The following COPZ2 variants were observed in gnomAD, a reference collection of about 807,000 sequenced individuals.
COPZ2 encodes coat protein complex I subunit zeta 2, also known as coatomer subunit zeta-2.
A neutral mutation model predicts 33.2 loss-of-function variants in COPZ2; 30 were observed. The ratio of observed to expected loss-of-function variants is 0.90; its 90% CI spans 0.68 to 1.23. The LOEUF is 1.23. Ranked by LOEUF, COPZ2 falls within the 50% of genes most tolerant of loss-of-function variation. COPZ2 has a pLI of 0.00. For synonymous variants in COPZ2, 89 were observed against 102.6 expected (o/e 0.87, Z 0.80); for missense variants, 263 against 262.4 (o/e 1.00, Z -0.02).
At chr17:48,040,907 T>A (rs1179983219), upstream of COPZ2, among the ~76,000 whole-genome samples, 1 of 151,470 alleles carries the variant, frequency 6.6e-6, no homozygotes, top group African/African-American at 2.4e-5. Context: ...CCCAGCACTT[T>A]GAGAGGCCAA....
At position 48,029,135 on chromosome 17, in the gene COPZ2, A is replaced by G; in HGVS notation, c.536T>C (p.Val179Ala). 2 of 1,577,820 alleles carry G rather than the reference A, an allele frequency of 1.3e-6. No individual in the cohort carries two copies. Among genetic ancestry groups the G allele is most frequent in the Non-Finnish European group, 1.7e-6 (2 of 1,161,640 alleles). ...CAGGAAGACTCTTACCCTAAAATTC[A>G]CCTTCTGGATCACTTGCTGGGGGTC... ...ESDPQQVIQK[V>A]NFRADDGGLT... Residue 179 changes from valine to alanine, a missense_variant, in exon 7 of 9, where the codon GTG (valine) becomes GCG (alanine). Coordinates refer to ENST00000621465, the MANE Select transcript of COPZ2 (RefSeq NM_016429.4).
At chr17:48,030,698 G>T (rs921735054) in intron 6 of COPZ2, among the ~76,000 whole-genome samples, 1 of 152,226 alleles carries the variant, frequency 6.6e-6, no homozygotes, top group Non-Finnish European at 1.5e-5. Context: ...GTTGCCTCCC[G>T]ACTGGCGCTT....
the COPZ2 span, chr17:48,045,435 T>C: frequency 2.6e-5 from 4 of 151,136 alleles, no homozygotes; most frequent in Non-Finnish European, 4.4e-5. Context: ...CAGGGATGAC[T>C]GCAGGATGGA....
At chr17:48,027,368 C>A (rs2036832125) in intron 8 of COPZ2, among the ~76,000 whole-genome samples, 1 of 152,222 alleles carries the variant, frequency 6.6e-6, no homozygotes, top group Admixed American at 6.5e-5. Context: ...GCTTGTCACG[C>A]ATTGGCTCAT....
In COPZ2 at chr17:48,037,766, G is replaced by C. The variant is rs1384366168; in HGVS notation, c.12C>G (p.Pro4=). 4 of 1,022,088 alleles carry C rather than the reference G, an allele frequency of 3.9e-6. No homozygotes were observed. The highest frequency in any genetic ancestry group is 1.8e-5 in the African/African-American group (1 of 55,064). 63.3% of individuals were successfully genotyped at this position (1,022,088 alleles called of 1,614,324 possible). Residue 4 remains proline (P), a synonymous_variant, in exon 1 of 9, where the codon CCC becomes CCG. Transcript: ENST00000621465. This position sits in a 1 kb window ranked among gnomAD's most constrained non-coding sequence, Gnocchi z 5.6. MQR[P]EAWPRPHPGE... ...CCGGGTGCGGACGTGGCCAGGCCTC[G>C]GGCCGCTGCATTCCGCTCGCCGCCT... is the stretch of plus-strand genomic sequence containing the variant.
chr17:48,041,172 A>T (rs4794401), upstream of COPZ2, among the ~76,000 whole-genome samples: 121,160 of 146,326 alleles, frequency 0.83, 50,838 homozygotes, highest in African/African-American at 0.94. Context: ...AAAAAAGACA[A>T]CATATTTTAT....
upstream of COPZ2, among the ~76,000 whole-genome samples, chr17:48,042,868 C>G (rs958807087): frequency 1.3e-5 from 2 of 152,222 alleles, no homozygotes; most frequent in African/African-American, 4.8e-5. Context: ...TCCCCAAACT[C>G]CTTCAACAGA....
chr17:48,027,036 G>A (rs1050784213), intron 8 of COPZ2, among the ~76,000 whole-genome samples: 3 of 152,226 alleles, frequency 2.0e-5, no homozygotes, highest in Admixed American at 6.5e-5. Flanking sequence ...CAAAGCAGGA[G>A]AGGGGGACAG....
Position 48,028,804 on chromosome 17 carries a change from C to T in COPZ2, c.547-294G>A, listed in dbSNP as rs1307195977. Among the ~76,000 whole-genome samples, 1 of 152,110 alleles carries T rather than the reference C, an allele frequency of 6.6e-6. No homozygotes were observed. The highest frequency in any genetic ancestry group is 1.9e-4 in the East Asian group (1 of 5,202). ...ACAAGGCAGGGAGGTTCTATCCATA[C>T]CCCTGACCCCCAACCTCAAGGCCAA... On this transcript the variant is annotated intron_variant, in intron 7 of 8. Transcript: ENST00000621465. This position sits in a 1 kb window ranked among gnomAD's most constrained non-coding sequence, Gnocchi z 4.5.
chr17:48,036,921 T>C lies in COPZ2; in HGVS notation c.116A>G (p.Gln39Arg). ...CTTGATGGTGTAGAGGGAAGGTTCC[T>C]GCAACTGACACCGGAGAGGAGAGTT... ...RAGEPSGLRL[Q>R]EPSLYTIKAV... is the part of the protein sequence containing the mutation. Residue 39 changes from glutamine (Q) to arginine (R), a missense_variant, in exon 2 of 9, where the codon CAG (glutamine) becomes CGG (arginine). Physicochemically the swap from Gln to Arg is conservative, Grantham distance 43. Transcript: ENST00000621465. 6.2e-7 allele frequency: 1 copy of C among 1,613,824 alleles called. No homozygotes were observed. The highest frequency in any genetic ancestry group is 8.5e-7 in the Non-Finnish European group (1 of 1,179,776).
chr17:48,045,895 G>A, the COPZ2 span: 4 of 152,224 alleles, frequency 2.6e-5, no homozygotes, highest in Admixed American at 2.0e-4. Context: ...CACACCCTGG[G>A]TTTTACAAGG....
In COPZ2 at chr17:48,028,468, C is replaced by T. The variant is rs776559395; in HGVS notation, c.585+4G>A. On this transcript the variant is annotated splice_donor_region_variant and intron_variant, in intron 8 of 8. Transcript: ENST00000621465. The surrounding 1 kb of genome is among the most constrained non-coding windows in gnomAD (Gnocchi z 4.5). ...CTAGCCAAGGCAGATGCAGGGGGGC[C>T]TACCTGGGCCACACTCTGTTCAGTC... 6.8e-6 allele frequency: 11 copies of T among 1,608,812 alleles called. No homozygotes were observed. In the East Asian group the frequency reaches 1.8e-4, roughly 26 times the overall value.
upstream of COPZ2, among the ~76,000 whole-genome samples, chr17:48,038,606 T>C (rs2037028531): frequency 6.6e-6 from 1 of 152,238 alleles, no homozygotes; most frequent in African/African-American, 2.4e-5. Context: ...CCCACACCTG[T>C]AAGATAGGCA....
chr17:48,030,182 G>A (rs550208250), intron 6 of COPZ2, among the ~76,000 whole-genome samples: 1 of 151,344 alleles, frequency 6.6e-6, no homozygotes, highest in Middle Eastern at 3.4e-3. Context: ...AGCTACTCGG[G>A]AGGCTGAGGC....
chr17:48,046,649 A>T, the COPZ2 span: 2 of 152,204 alleles, frequency 1.3e-5, no homozygotes, highest in African/African-American at 4.8e-5. Flanking sequence ...CTCCTTTCTT[A>T]TACAATACCA....
intron 6 of COPZ2, among the ~76,000 whole-genome samples, chr17:48,030,485 T>C (rs1598258779): frequency 6.6e-6 from 1 of 152,120 alleles, no homozygotes; most frequent in Admixed American, 6.5e-5. Flanking sequence ...AGGATCTGAG[T>C]GTACCTCCTT....
At chr17:48,032,889 C>T (rs895520827) in intron 4 of COPZ2, 148 bp from the exon 5 acceptor site, 3 of 657,124 alleles carry the variant, frequency 4.6e-6, no homozygotes, top group Non-Finnish European at 8.2e-6. Flanking sequence ...TTAGAGGGAA[C>T]TTCCATGTGT....
At position 48,036,001 on chromosome 17, in the gene COPZ2, C is replaced by G. The variant is rs796297667; in HGVS notation, c.186+850G>C. On this transcript the variant is annotated intron_variant, in intron 2 of 8. Coordinates refer to ENST00000621465, the MANE Select transcript of COPZ2 (RefSeq NM_016429.4). ...AACTCCTGACCTCAAGTGATCTGCC[C>G]GCCTTGGCCTCCCAAAGTGCTGGGA... Among the ~76,000 whole-genome samples, 16 of 152,234 alleles carry G rather than the reference C, an allele frequency of 1.1e-4. 1 individual carries two copies. The highest frequency in any genetic ancestry group is 3.9e-4 in the African/African-American group (16 of 41,540).
chr17:48,035,854 A>G (rs2036975740), intron 2 of COPZ2, among the ~76,000 whole-genome samples: 1 of 151,082 alleles, frequency 6.6e-6, no homozygotes, highest in African/African-American at 2.4e-5. Context: ...CCCAGGTTCA[A>G]GCAATTCTCC....
Sources: allele counts gnomAD v4.1 joint callset (sites outside exome capture counted in the v4.1 genomes callset), GRCh38; gene constraint gnomAD v4.1.1; non-coding constraint Gnocchi (gnomAD v3.1); transcripts MANE v1.5; gene names NCBI Gene and HGNC (gene_info 2026-07-23, HGNC 2026-07-21).